SDC2: variants seen among roughly 807,000 people sequenced by gnomAD.
SDC2 encodes the protein syndecan-2.
Under a neutral mutation model 22.2 loss-of-function variants are expected in SDC2, and 13 were observed. That is an observed-to-expected ratio of 0.59 (90% confidence interval 0.38 to 0.93). The LOEUF (loss-of-function observed/expected upper bound fraction) is 0.93. Among genes scored for constraint, SDC2 ranks in the 40% least tolerant of loss-of-function variants. The pLI, the probability that SDC2 is intolerant of heterozygous loss-of-function variation, is 0.00. For synonymous variants in SDC2, 94 were observed against 92.8 expected (o/e 1.01, Z -0.07); for missense variants, 235 against 246.8 (o/e 0.95, Z 0.32).
In SDC2 at chr8:96,553,558, T is replaced by C. The variant is rs140466023; in HGVS notation, c.61-39922T>C. Among the ~76,000 whole-genome samples the C allele has an allele frequency of 5.5e-3, 842 of 152,134 alleles. 5 individuals carry two copies. The highest frequency in any genetic ancestry group is 0.018 in the African/African-American group (744 of 41,516). On this transcript the variant is annotated intron_variant, in intron 1 of 4. Coordinates refer to ENST00000302190, the MANE Select transcript of SDC2 (RefSeq NM_002998.4). Reference sequence around the variant, plus strand: ...AAGTTGTAGAGATAAGCTAAACTTATACCAACACTAGTTTGAGAGCCATTC... The same window carrying C: ...AAGTTGTAGAGATAAGCTAAACTTACACCAACACTAGTTTGAGAGCCATTC...
rs193040265 is a variant in SDC2 at position 96,589,925 on chromosome 8, G to A, written c.61-3555G>A. Among the ~76,000 whole-genome samples, 321 of 152,342 alleles carry A rather than the reference G, an allele frequency of 2.1e-3. 1 individual carries two copies. The highest frequency in any genetic ancestry group is 7.5e-3 in the African/African-American group (311 of 41,578). ...CCGGGGGGCCAGAGGCAAAGGGGTGGAGATAGGAGACAAGTATGTATCTTG... is the reference window on the plus strand; with the variant it reads ...CCGGGGGGCCAGAGGCAAAGGGGTGAAGATAGGAGACAAGTATGTATCTTG... On this transcript the variant is annotated intron_variant, in intron 1 of 4. Transcript: ENST00000302190.
At chr8:96,495,051 G>T (rs1382007071) in intron 1 of SDC2, among the ~76,000 whole-genome samples, 2 of 152,226 alleles carry the variant, frequency 1.3e-5, no homozygotes, top group Non-Finnish European at 2.9e-5. Flanking sequence ...TCGTTGAGGG[G>T]TGGAGGTTGC....
intron 1 of SDC2, among the ~76,000 whole-genome samples, chr8:96,504,706 A>G (rs566009666): frequency 2.0e-5 from 3 of 152,276 alleles, no homozygotes; most frequent in African/African-American, 7.2e-5. Context: ...ATATACGCAT[A>G]TGTTTTGTGT....
intron 1 of SDC2, among the ~76,000 whole-genome samples, chr8:96,547,649 T>G (rs558661992): frequency 1.3e-5 from 2 of 152,316 alleles, no homozygotes; most frequent in East Asian, 3.9e-4. Context: ...GATACTAGGG[T>G]AGCTTGTATG....
At chr8:96,507,100 T>C (rs916464380) in intron 1 of SDC2, among the ~76,000 whole-genome samples, 2 of 152,206 alleles carry the variant, frequency 1.3e-5, no homozygotes, top group East Asian at 3.8e-4. Context: ...TGGATTTTGC[T>C]TTTTTAGTTT....
At chr8:96,535,300 C>T (rs1466876722) in intron 1 of SDC2, among the ~76,000 whole-genome samples, 1 of 152,198 alleles carries the variant, frequency 6.6e-6, no homozygotes, top group East Asian at 1.9e-4. Context: ...AGCCACTGTG[C>T]CCGGCCCCAA....
intron 3 of SDC2, among the ~76,000 whole-genome samples, chr8:96,607,359 C>A (rs189377733): frequency 1.8e-3 from 281 of 152,086 alleles, no homozygotes; most frequent in Non-Finnish European, 3.0e-3. Context: ...GAAATGAGAA[C>A]CCAAGGGAAG....
At chr8:96,523,894 T>TAACTTTAAG (rs1171996634) in intron 1 of SDC2, among the ~76,000 whole-genome samples, 1 of 152,230 alleles carries the variant, frequency 6.6e-6, no homozygotes, top group East Asian at 1.9e-4. Context: ...AACGTGTTGG[T>TAACTTTAAG]AACTTTAAGA....
At chr8:96,532,150 C>A (rs1048138737) in intron 1 of SDC2, among the ~76,000 whole-genome samples, 5 of 152,148 alleles carry the variant, frequency 3.3e-5, no homozygotes, top group Admixed American at 6.5e-5. Context: ...AAGTCTTGAA[C>A]AACACCCAGT....
chr8:96,525,422 G>A (rs759698205), intron 1 of SDC2, among the ~76,000 whole-genome samples: 4 of 152,204 alleles, frequency 2.6e-5, no homozygotes, highest in Non-Finnish European at 5.9e-5. Context: ...CACTGGACAA[G>A]TTCCTTATCA....
chr8:96,606,509 T>C (rs1815082967), intron 3 of SDC2, among the ~76,000 whole-genome samples: 1 of 152,176 alleles, frequency 6.6e-6, no homozygotes, highest in Admixed American at 6.5e-5. Flanking sequence ...AGAACTTAAA[T>C]AGCAGTAAAA....
intron 1 of SDC2, among the ~76,000 whole-genome samples, chr8:96,507,698 G>T (rs1363088569): frequency 6.6e-6 from 1 of 152,204 alleles, no homozygotes; most frequent in African/African-American, 2.4e-5. Context: ...GGGAAAGAAG[G>T]CTGCTATTGT....
intron 1 of SDC2, among the ~76,000 whole-genome samples, chr8:96,518,120 A>G (rs921526112): frequency 6.6e-6 from 1 of 152,122 alleles, no homozygotes; most frequent in East Asian, 1.9e-4. Context: ...CTTGGCTAAG[A>G]TACTTAATGA....
chr8:96,597,410 A>G (rs1814896420), intron 2 of SDC2, among the ~76,000 whole-genome samples: 2 of 152,140 alleles, frequency 1.3e-5, no homozygotes, highest in African/African-American at 4.8e-5. Context: ...AGTCGAGGGG[A>G]TGTTGCCTAC....
chr8:96,573,773 C>T (rs1814441747), intron 1 of SDC2, among the ~76,000 whole-genome samples: 1 of 152,120 alleles, frequency 6.6e-6, no homozygotes, highest in African/African-American at 2.4e-5. Flanking sequence ...CCAGCCTGAT[C>T]TTTCCAAACA....
chr8:96,535,819 AC>A (rs1813745805), intron 1 of SDC2, among the ~76,000 whole-genome samples: 3 of 152,238 alleles, frequency 2.0e-5, no homozygotes, highest in African/African-American at 7.2e-5. Flanking sequence ...GCTGAACAGA[AC>A]AAAGAAGCCT....
At chr8:96,600,673 G>A (rs1814966752) in intron 2 of SDC2, among the ~76,000 whole-genome samples, 1 of 152,124 alleles carries the variant, frequency 6.6e-6, no homozygotes, top group Non-Finnish European at 1.5e-5. Flanking sequence ...ACTGGATAAT[G>A]GATTCAAAAA....
chr8:96,502,518 A>C (rs1292632738), intron 1 of SDC2, among the ~76,000 whole-genome samples: 1 of 93,386 alleles, frequency 1.1e-5, no homozygotes, highest in Non-Finnish European at 2.8e-5. Context: ...TTAAACTATA[A>C]ATCTCATAAA....
At chr8:96,547,426 T>G (rs1586292929) in intron 1 of SDC2, among the ~76,000 whole-genome samples, 2 of 152,330 alleles carry the variant, frequency 1.3e-5, no homozygotes, top group Admixed American at 1.3e-4. Flanking sequence ...GGGGACCACC[T>G]TCGCACCAAC....
Sources: gnomAD v4.1 joint callset for allele counts (sites outside exome capture counted in the v4.1 genomes callset) on GRCh38, gnomAD v4.1.1 for gene constraint, MANE v1.5 for transcripts, NCBI Gene and HGNC (gene_info 2026-07-23, HGNC 2026-07-21) for gene names.